The following KIAA1671 variants were observed in gnomAD, a reference collection of about 807,000 sequenced individuals.
KIAA1671 encodes the protein uncharacterized protein KIAA1671.
A neutral mutation model predicts 131.2 loss-of-function variants in KIAA1671; 52 were observed. That is an observed-to-expected ratio of 0.40 (90% CI 0.32 to 0.50). The LOEUF is 0.50. Ranked by LOEUF, KIAA1671 falls within the 20% of genes least tolerant of loss-of-function variation. The pLI, the probability that KIAA1671 is intolerant of heterozygous loss-of-function variation, is 0.73. For synonymous variants in KIAA1671, 1,003 were observed against 961.6 expected, an observed-to-expected ratio of 1.04 and a Z score of -0.80; for missense variants, 2,360 against 2,364.2, an observed-to-expected ratio of 1.00 and a Z score of 0.04.
Position 25,174,387 on chromosome 22 carries a change from G to A in KIAA1671, c.4797G>A (p.Val1599=), listed in dbSNP as rs748328645. Reference sequence around the variant, plus strand: ...CCAGGGACCAGCGGAGCACCAGCGTGGACCACTCCAGCACTGACCTGGAAT... The same window carrying A: ...CCAGGGACCAGCGGAGCACCAGCGTAGACCACTCCAGCACTGACCTGGAAT... ...DCSRDQRSTS[V]DHSSTDLEST... is the part of the protein sequence containing the mutation. Residue 1599 remains valine, a synonymous_variant, in exon 8 of 13, where the codon GTG becomes GTA. Coordinates refer to ENST00000358431, the MANE Select transcript of KIAA1671 (RefSeq NM_001145206.2). The A allele has an allele frequency of 6.4e-7, 1 of 1,552,026 alleles. No homozygotes were observed. Among genetic ancestry groups the A allele is most frequent in the South Asian group, 1.2e-5 (1 of 84,064 alleles).
chr22:24,980,940 T>A (rs886727249), intron 1 of KIAA1671, among the ~76,000 whole-genome samples: 3 of 151,938 alleles, frequency 2.0e-5, no homozygotes, highest in Non-Finnish European at 4.4e-5. Context: ...AGAGACGGGC[T>A]TTCACCATGT....
chr22:25,024,923 G>C (rs1417616995), intron 1 of KIAA1671, among the ~76,000 whole-genome samples: 2 of 152,056 alleles, frequency 1.3e-5, no homozygotes, highest in Non-Finnish European at 2.9e-5. Context: ...GAACAGGTAG[G>C]AGGGGGTTGT....
At chr22:25,174,802 G>C in intron 8 of KIAA1671, 1 of 230,556 alleles carries the variant, frequency 4.3e-6, no homozygotes, top group Non-Finnish European at 8.4e-6. Flanking sequence ...TTACCTGCTA[G>C]GTAAGCAGGG....
chr22:24,975,539 T>C (rs1198520710), intron 1 of KIAA1671, among the ~76,000 whole-genome samples: 2 of 152,016 alleles, frequency 1.3e-5, no homozygotes, highest in African/African-American at 4.8e-5. Flanking sequence ...GGCTTCTGAG[T>C]TCAAGTGCTG....
At position 25,093,728 on chromosome 22, in the gene KIAA1671, C is replaced by CTT. The variant is rs1568950936; in HGVS notation, c.4530+44364_4530+44365insTT. Among the ~76,000 whole-genome samples the CTT allele has an allele frequency of 1.6e-5, 2 of 124,638 alleles. 1 individual carries two copies. The highest frequency in any genetic ancestry group is 3.2e-5 in the Non-Finnish European group (2 of 62,002). The allele number at this position is 124,638 out of a possible 152,430, so 81.8% of individuals were successfully genotyped here. ...ACACACACACACACACACACACACACACACACACACTCTCTCTCTCTCTCT... is the reference window on the plus strand; with the variant it reads ...ACACACACACACACACACACACACACTTACACACACACTCTCTCTCTCTCTCT... On this transcript the variant is annotated intron_variant, in intron 6 of 12. Transcript: ENST00000358431.
chr22:25,105,540 A>C (rs566071057), intron 6 of KIAA1671, among the ~76,000 whole-genome samples: 2 of 152,286 alleles, frequency 1.3e-5, no homozygotes, highest in South Asian at 4.1e-4. Flanking sequence ...TTTGCAGAAA[A>C]AGTCCTCTGG....
chr22:25,056,088 G>A (rs1315324674), intron 6 of KIAA1671: 4 of 143,626 alleles, frequency 2.8e-5, no homozygotes, highest in African/African-American at 1.0e-4. Flanking sequence ...GGTTGGTCTC[G>A]AACTCCTGAA....
At chr22:25,017,641 T>A (rs1280228879) in intron 1 of KIAA1671, among the ~76,000 whole-genome samples, 1 of 152,350 alleles carries the variant, frequency 6.6e-6, no homozygotes, top group South Asian at 2.1e-4. Flanking sequence ...TTATGTTATG[T>A]GATTTTTACC....
rs1028181836 is a variant in KIAA1671 at position 25,040,848 on chromosome 22, C to T, written c.3718C>T (p.Leu1240=). The change falls in exon 5 of 13, where the codon CTG becomes TTG. Residue 1240 remains leucine, a synonymous_variant. Coordinates refer to ENST00000358431, the MANE Select transcript of KIAA1671 (RefSeq NM_001145206.2). ...GTTGCCTCGGGAGAGGCCTGTTCAGCTGGGCGGGGTGGAGCAGAGAAGGAG... is the reference window on the plus strand; with the variant it reads ...GTTGCCTCGGGAGAGGCCTGTTCAGTTGGGCGGGGTGGAGCAGAGAAGGAG... ...STLPRERPVQ[L]GGVEQRRRSL... is the part of the protein sequence containing the mutation. The T allele has an allele frequency of 1.9e-6, 3 of 1,549,912 alleles. No homozygotes were observed. The highest frequency in any genetic ancestry group is 2.7e-5 in the African/African-American group (2 of 73,006).
At chr22:25,070,798 G>T (rs1312828237) in intron 6 of KIAA1671, among the ~76,000 whole-genome samples, 2 of 152,146 alleles carry the variant, frequency 1.3e-5, no homozygotes, top group African/African-American at 2.4e-5. Flanking sequence ...CTCTGTGTGT[G>T]TAAGAATGTC....
intron 6 of KIAA1671, among the ~76,000 whole-genome samples, chr22:25,084,475 A>AAAAAT (rs1929592396): frequency 6.7e-6 from 1 of 150,008 alleles, no homozygotes; most frequent in African/African-American, 2.5e-5. Flanking sequence ...AAAAAAAAAA[A>AAAAAT]TTGACAATGT....
At chr22:25,069,195 G>T (rs536353683) in intron 6 of KIAA1671, among the ~76,000 whole-genome samples, 1 of 152,094 alleles carries the variant, frequency 6.6e-6, no homozygotes, top group Non-Finnish European at 1.5e-5. Context: ...CTCATGATAT[G>T]ACCATGAAAA....
intron 1 of KIAA1671, among the ~76,000 whole-genome samples, chr22:24,971,378 A>T (rs1344006271): frequency 6.6e-6 from 1 of 152,246 alleles, no homozygotes; most frequent in East Asian, 1.9e-4. Flanking sequence ...CATGTGAGAC[A>T]TAGCTCCCTT....
At chr22:25,116,868 T>C (rs1008923803) in intron 6 of KIAA1671, among the ~76,000 whole-genome samples, 1 of 152,216 alleles carries the variant, frequency 6.6e-6, no homozygotes, top group African/African-American at 2.4e-5. Flanking sequence ...ATGTCATATA[T>C]GTGCTGAAAA....
intron 7 of KIAA1671, among the ~76,000 whole-genome samples, chr22:25,173,033 G>T (rs1933901908): frequency 6.6e-6 from 1 of 152,210 alleles, no homozygotes; most frequent in South Asian, 2.1e-4. Context: ...TCACAGTTCT[G>T]CAGGGCTGGG....
chr22:25,028,804 C>A lies in KIAA1671; in HGVS notation c.805C>A (p.Pro269Thr). ...GAAATVGKVP[P>T]TPPEKTWVRK... ...AGCGGCCACAGTGGGCAAAGTGCCA[C>A]CCACCCCTCCCGAGAAGACGTGGGT... Residue 269 changes from proline to threonine, a missense_variant, in exon 3 of 13, where the codon CCC becomes ACC. By Grantham distance (38) the Pro-to-Thr change is conservative (BLOSUM62 -1). Around this residue, in one of 3 missense-constraint regions of KIAA1671, gnomAD observed 1,185 missense variants for 1,126.2 expected, o/e 1.05. Coordinates refer to ENST00000358431, the MANE Select transcript of KIAA1671 (RefSeq NM_001145206.2). 6.4e-7 allele frequency: 1 copy of A among 1,551,134 alleles called. No homozygotes were observed. Among genetic ancestry groups the A allele is most frequent in the Non-Finnish European group, 8.7e-7 (1 of 1,146,972 alleles).
chr22:24,953,102 C>G (rs1271343857), intron 1 of KIAA1671, among the ~76,000 whole-genome samples: 2 of 152,048 alleles, frequency 1.3e-5, no homozygotes, highest in African/African-American at 2.4e-5. Flanking sequence ...GAGTCGATCC[C>G]TGGAGGGGAT....
At chr22:25,144,662 T>G (rs1932850909) in intron 6 of KIAA1671, among the ~76,000 whole-genome samples, 1 of 152,222 alleles carries the variant, frequency 6.6e-6, no homozygotes. Flanking sequence ...TTACAGCAAC[T>G]GAGTGAAGTG....
chr22:24,971,762 T>G (rs1383565578), intron 1 of KIAA1671, among the ~76,000 whole-genome samples: 2 of 152,110 alleles, frequency 1.3e-5, no homozygotes, highest in Non-Finnish European at 2.9e-5. Context: ...AGAGTTTGGC[T>G]TGTAGGTAGA....
Sources: allele counts gnomAD v4.1 joint callset (sites outside exome capture counted in the v4.1 genomes callset), GRCh38; gene constraint gnomAD v4.1.1; regional missense constraint gnomAD v4.1.1; transcripts MANE v1.5; gene names NCBI Gene and HGNC (gene_info 2026-07-23, HGNC 2026-07-21).